COL17A1: variants seen among roughly 807,000 people sequenced by gnomAD.
The protein encoded by COL17A1 is collagen type XVII alpha 1 chain.
A neutral mutation model predicts 218.4 loss-of-function variants in COL17A1; 181 were observed. The ratio of observed to expected loss-of-function variants is 0.83; its 90% CI spans 0.73 to 0.94. COL17A1 has a LOEUF of 0.94. COL17A1 is among the 40% of genes least tolerant of loss of function. COL17A1 has a pLI of 0.00. For missense variants in COL17A1, 1,924 were observed against 1,945.9 expected (o/e 0.99, Z 0.21); for synonymous variants, 721 against 731.0 (o/e 0.99, Z 0.22).
intron 1 of COL17A1, among the ~76,000 whole-genome samples, chr10:104,083,498 T>A (rs2086782228): frequency 6.6e-6 from 1 of 152,242 alleles, no homozygotes; most frequent in African/African-American, 2.4e-5. Context: ...ATTTTATAGC[T>A]AATGTTTTTG....
In COL17A1 at chr10:104,074,210, G is replaced by A; in HGVS notation, c.353C>T (p.Ser118Phe). The A allele has an allele frequency of 6.2e-7, 1 of 1,614,216 alleles. No individual in the cohort carries two copies. Residue 118 changes from serine to phenylalanine, a missense_variant, in exon 6 of 56, where the codon TCT (serine) becomes TTT (phenylalanine). Physicochemically the swap from Ser to Phe is radical, Grantham distance 155. Transcript: ENST00000648076. ...AAATTCCTTCCGAGGGTACTCCGGA[G>A]AAGAGTTGCCACTGGAGCTCCCTGG... is the stretch of plus-strand genomic sequence containing the variant. ...AYEGSSSGNS[S>F]PEYPRKEFAS... is the part of the protein sequence containing the mutation.
chr10:104,055,972 C>G lies in COL17A1; in HGVS notation c.1497G>C (p.Val499=). 6.2e-7 allele frequency: 1 copy of G among 1,614,174 alleles called. No homozygotes were observed. The highest frequency in any genetic ancestry group is 8.5e-7 in the Non-Finnish European group (1 of 1,180,022). ...TCCTCCTGATCCTCTCCAGCTCATC[C>G]ACACGCGCCTTCAGCTTCCTCACCT... ...AEEVRKLKAR[V]DELERIRRSI... Residue 499 remains valine (V), a synonymous_variant, in exon 18 of 56, where the codon GTG becomes GTC. Transcript: ENST00000648076.
chr10:104,042,311 CA>C, intron 36 of COL17A1, 108 bp downstream of exon 36: 1 of 1,266,866 alleles, frequency 7.9e-7, no homozygotes, highest in Non-Finnish European at 1.1e-6. Flanking sequence ...CCTCCTTTTC[CA>C]AAACACACCT....
At position 104,059,735 on chromosome 10, in the gene COL17A1, T is replaced by C; in HGVS notation, c.1142-17A>G. The C allele has an allele frequency of 6.2e-7, 1 of 1,612,294 alleles. No homozygotes were observed. Among genetic ancestry groups the C allele is most frequent in the Non-Finnish European group, 8.5e-7 (1 of 1,178,356 alleles). On this transcript the variant is annotated splice_polypyrimidine_tract_variant and intron_variant, in intron 14 of 55. Transcript: ENST00000648076. ...AAAAAGAAGCTATGTACAGAACCCA[T>C]TATAACCTGGCATATTCTCTTCTCA...
chr10:104,036,899 G>A (rs1483582892), intron 47 of COL17A1, 146 bp downstream of exon 47: 6 of 854,800 alleles, frequency 7.0e-6, no homozygotes, highest in Non-Finnish European at 1.2e-5. Flanking sequence ...AAGCAGATCA[G>A]AGCAGTAAGT....
chr10:104,049,949 T>C (rs1346043689), intron 28 of COL17A1, 140 bp downstream of exon 28: 1 of 1,333,498 alleles, frequency 7.5e-7, no homozygotes, highest in Non-Finnish European at 1.0e-6. Flanking sequence ...TTTCTCATCT[T>C]GTGTTTTTTC....
In COL17A1 at chr10:104,034,235, C is replaced by CT. The variant is rs763644228; in HGVS notation, c.3865dup (p.Ser1289LysfsTer4). The CT allele has an allele frequency of 6.2e-7, 1 of 1,611,528 alleles. No individual in the cohort carries two copies. Among genetic ancestry groups the CT allele is most frequent in the Non-Finnish European group, 8.5e-7 (1 of 1,179,560 alleles). ...GTGTGAGGAGGAGCTGCTACCCCGA[C>CT]TGTGGGAGGCATCCGTGGACAGGAG... On this transcript the variant is annotated frameshift_variant, in exon 52 of 56. Transcript: ENST00000648076. LOFTEE classifies it high-confidence loss of function.
At chr10:104,045,835 G>A (rs2086403795) in intron 32 of COL17A1, 42 bp from the exon 33 acceptor site, 1 of 1,555,788 alleles carries the variant, frequency 6.4e-7, no homozygotes, top group Non-Finnish European at 8.9e-7. Flanking sequence ...TGAAGGCCCA[G>A]CAATTCCAGA....
chr10:104,055,248 CATAAGATCA>C, intron 19 of COL17A1, 115 bp downstream of exon 19: 1 of 1,534,684 alleles, frequency 6.5e-7, no homozygotes, highest in African/African-American at 1.4e-5. Context: ...CAACAGATAC[CATAAGATCA>C]TTCAGCTCTT....
chr10:104,048,006 G>A, intron 30 of COL17A1, 63 bp downstream of exon 30: 11 of 1,588,182 alleles, frequency 6.9e-6, no homozygotes, highest in African/African-American at 1.3e-5. Flanking sequence ...GGGACTGAGG[G>A]CTGCATGCTG....
At chr10:104,078,460 G>A in intron 3 of COL17A1, 82 bp downstream of exon 3, 1 of 1,588,576 alleles carries the variant, frequency 6.3e-7, no homozygotes. Flanking sequence ...AAAAATTTTG[G>A]AGCTCCCATG....
At chr10:104,037,599 G>A (rs2086313058) in intron 46 of COL17A1, 37 bp downstream of exon 46, 2 of 1,613,638 alleles carry the variant, frequency 1.2e-6, no homozygotes, top group African/African-American at 1.3e-5. Context: ...ACCCACAGGA[G>A]GAAGGTGCCA....
chr10:104,075,642 G>T (rs930905740), intron 5 of COL17A1, among the ~76,000 whole-genome samples: 8 of 152,160 alleles, frequency 5.3e-5, no homozygotes, highest in Non-Finnish European at 7.3e-5. Context: ...TGATTGTTTT[G>T]CTAAAAACTC....
chr10:104,070,571 T>G lies in COL17A1; in HGVS notation c.464-2A>C. 6.2e-7 allele frequency: 1 copy of G among 1,614,226 alleles called. No homozygotes were observed. The highest frequency in any genetic ancestry group is 8.5e-7 in the Non-Finnish European group (1 of 1,180,040). On this transcript the variant is annotated splice_acceptor_variant, in intron 8 of 55. Coordinates refer to ENST00000648076, the MANE Select transcript of COL17A1 (RefSeq NM_000494.4). LOFTEE classifies it high-confidence loss of function. ...GCTTAACATCATCCAATTCTGTCCC[T>G]GTGAAAGAATCCACAGACGTTTCTG...
chr10:104,040,027 G>T, intron 40 of COL17A1, 28 bp from the exon 41 acceptor site: 1 of 1,613,920 alleles, frequency 6.2e-7, no homozygotes, highest in Non-Finnish European at 8.5e-7. Context: ...AGAGCTATGA[G>T]ACAGGTACCA....
In COL17A1 at chr10:104,035,383, C is replaced by A; in HGVS notation, c.3509-10G>T. The stretch of plus-strand genomic sequence containing the variant: ...CCTCTGAATTCAGACCCTGAGACAC[C>A]AAGGGAGGGCACGGAGTCAGTCCTG... On this transcript the variant is annotated splice_polypyrimidine_tract_variant and intron_variant, in intron 49 of 55. Transcript: ENST00000648076. 6.2e-7 allele frequency: 1 copy of A among 1,613,758 alleles called. No homozygotes were observed. Among genetic ancestry groups the A allele is most frequent in the Non-Finnish European group, 8.5e-7 (1 of 1,179,726 alleles).
chr10:104,039,978 T>G lies in COL17A1; in HGVS notation c.2783A>C (p.His928Pro), dbSNP rs768073545. The G allele has an allele frequency of 4.3e-6, 7 of 1,614,088 alleles. No individual in the cohort carries two copies. Among genetic ancestry groups the G allele is most frequent in the Non-Finnish European group, 2.5e-6 (3 of 1,180,014 alleles). ...GDQGPPGPRG[H>P]QGEQGLPGFS... ...TGATGCCGGCTCTACTGTACCTTGG[T>G]GTCCTCTGGGGCCTGGGGGACCTGA... Residue 928 changes from histidine to proline, a missense_variant, in exon 41 of 56, where the codon CAC becomes CCC. Coordinates refer to ENST00000648076, the MANE Select transcript of COL17A1 (RefSeq NM_000494.4).
intron 32 of COL17A1, 22 bp downstream of exon 32, chr10:104,046,725 T>C (rs760091029): frequency 1.9e-6 from 3 of 1,613,176 alleles, no homozygotes; most frequent in East Asian, 4.5e-5. Context: ...AGACAGCAGG[T>C]GGGAATGATC....
chr10:104,043,163 T>C (rs2086376896), intron 35 of COL17A1, among the ~76,000 whole-genome samples: 1 of 152,206 alleles, frequency 6.6e-6, no homozygotes, highest in Non-Finnish European at 1.5e-5. Context: ...AGTCTTCTGA[T>C]TGGCCACAGG....
Sources: allele counts gnomAD v4.1 joint callset (sites outside exome capture counted in the v4.1 genomes callset), GRCh38; gene constraint gnomAD v4.1.1; transcripts MANE v1.5; gene names NCBI Gene and HGNC (gene_info 2026-07-23, HGNC 2026-07-21).